The following BCL2 variants were observed in gnomAD, a reference collection of about 807,000 sequenced individuals.
BCL2 encodes BCL2 apoptosis regulator.
In BCL2, 1 loss-of-function variant was observed where a neutral mutation model predicts 14.2. The ratio of observed to expected loss-of-function variants is 0.07; its 90% confidence interval spans 0.02 to 0.33. BCL2 has a LOEUF of 0.33. Among genes scored for constraint, BCL2 ranks in the 10% least tolerant of loss-of-function variants. The pLI is 0.99. For synonymous variants in BCL2, 151 were observed against 137.2 expected, an observed-to-expected ratio of 1.10 and a Z score of -0.70; for missense variants, 247 against 305.9, an observed-to-expected ratio of 0.81 and a Z score of 1.44.
chr18:63,175,104 T>C (rs1192526681), intron 2 of BCL2, among the ~76,000 whole-genome samples: 1 of 152,148 alleles, frequency 6.6e-6, no homozygotes, highest in Non-Finnish European at 1.5e-5. Context: ...ACTTCCTCAG[T>C]CACTCTCCAA....
At chr18:63,307,633 C>G (rs1913184928) in intron 2 of BCL2, among the ~76,000 whole-genome samples, 1 of 152,178 alleles carries the variant, frequency 6.6e-6, no homozygotes, top group Non-Finnish European at 1.5e-5. Context: ...CTCAAGAATC[C>G]CACTGTCACT....
At chr18:63,135,455 T>C (rs1157467413) in intron 2 of BCL2, among the ~76,000 whole-genome samples, 13 of 152,234 alleles carry the variant, frequency 8.5e-5, no homozygotes, top group Non-Finnish European at 4.4e-5. Flanking sequence ...GTCAGATCTT[T>C]TCTGTTCCTT....
Position 63,151,935 on chromosome 18 carries a change from G to A in BCL2, c.586-23176C>T, listed in dbSNP as rs76656597. On this transcript the variant is annotated intron_variant, in intron 2 of 2. Coordinates refer to ENST00000333681, the MANE Select transcript of BCL2 (RefSeq NM_000633.3). The stretch of plus-strand genomic sequence containing the variant: ...GGCTCATTGGCTAAATCTCATGGCC[G>A]GGCTCCTTCATGGGAGGGAAGAAGG... Among the ~76,000 whole-genome samples, 527 of 152,240 alleles carry A rather than the reference G, an allele frequency of 3.5e-3. 1 individual carries two copies. The highest frequency in any genetic ancestry group is 5.7e-3 in the Non-Finnish European group (388 of 68,014).
chr18:63,202,258 G>A (rs891945811), intron 2 of BCL2, among the ~76,000 whole-genome samples: 3 of 152,162 alleles, frequency 2.0e-5, no homozygotes, highest in African/African-American at 7.2e-5. Flanking sequence ...GCAGTGAGAC[G>A]AGATCGGGCC....
At chr18:63,187,892 G>A (rs1175468631) in intron 2 of BCL2, among the ~76,000 whole-genome samples, 1 of 152,108 alleles carries the variant, frequency 6.6e-6, no homozygotes. Context: ...AATAAACAGT[G>A]GTATGGCATT....
At chr18:63,153,973 C>T (rs1914714120) in intron 2 of BCL2, among the ~76,000 whole-genome samples, 1 of 152,180 alleles carries the variant, frequency 6.6e-6, no homozygotes, top group Non-Finnish European at 1.5e-5. Flanking sequence ...TATTGTGAAG[C>T]CTTTAGGCTC....
intron 2 of BCL2, among the ~76,000 whole-genome samples, chr18:63,265,203 G>C (rs1911791553): frequency 6.6e-6 from 1 of 152,200 alleles, no homozygotes; most frequent in Non-Finnish European, 1.5e-5. Context: ...AGTTTGGGAA[G>C]GGGAAGGGCC....
chr18:63,193,688 C>T (rs939569524), intron 2 of BCL2, among the ~76,000 whole-genome samples: 5 of 150,970 alleles, frequency 3.3e-5, no homozygotes, highest in Admixed American at 2.6e-4. Context: ...ACACATTTTC[C>T]GTATCCATGC....
At chr18:63,198,950 GACAC>G (rs1372684663) in intron 2 of BCL2, among the ~76,000 whole-genome samples, 1 of 75,804 alleles carries the variant, frequency 1.3e-5, no homozygotes, top group Admixed American at 1.4e-4. Flanking sequence ...CTGACACAGA[GACAC>G]ACACAGACAC....
chr18:63,228,142 G>A (rs187258491), intron 2 of BCL2, among the ~76,000 whole-genome samples: 1 of 152,292 alleles, frequency 6.6e-6, no homozygotes, highest in East Asian at 1.9e-4. Flanking sequence ...GCCATTGTGA[G>A]GGCCCTGCTG....
intron 2 of BCL2, among the ~76,000 whole-genome samples, chr18:63,246,649 G>A (rs1409597491): frequency 1.3e-5 from 2 of 152,130 alleles, no homozygotes; most frequent in African/African-American, 2.4e-5. Context: ...TGAAATTTGG[G>A]TGGGGACACA....
intron 2 of BCL2, among the ~76,000 whole-genome samples, chr18:63,234,578 C>A (rs141192220): frequency 1.3e-5 from 2 of 152,174 alleles, no homozygotes; most frequent in Non-Finnish European, 2.9e-5. Context: ...AACACTACCA[C>A]GCTGAGTGAC....
At chr18:63,205,749 C>T (rs1429605237) in intron 2 of BCL2, among the ~76,000 whole-genome samples, 2 of 152,150 alleles carry the variant, frequency 1.3e-5, no homozygotes, top group Admixed American at 6.5e-5. Context: ...CATTTGACTA[C>T]TGTGGTTGGA....
chr18:63,161,615 G>A (rs1173764753), intron 2 of BCL2, among the ~76,000 whole-genome samples: 1 of 152,116 alleles, frequency 6.6e-6, no homozygotes, highest in Non-Finnish European at 1.5e-5. Flanking sequence ...GTTAATCAAG[G>A]GTCCTAGGGC....
At chr18:63,225,763 GC>G (rs1371273657) in intron 2 of BCL2, among the ~76,000 whole-genome samples, 2 of 152,132 alleles carry the variant, frequency 1.3e-5, no homozygotes, top group African/African-American at 4.8e-5. Context: ...CCAGGTGAGT[GC>G]TTTTTGGGTG....
At chr18:63,238,814 G>C (rs561156039) in intron 2 of BCL2, among the ~76,000 whole-genome samples, 1 of 152,324 alleles carries the variant, frequency 6.6e-6, no homozygotes, top group African/African-American at 2.4e-5. Flanking sequence ...GGGAGCGGAA[G>C]GGTACCAGCA....
chr18:63,213,991 T>G (rs1910127454), intron 2 of BCL2, among the ~76,000 whole-genome samples: 1 of 152,068 alleles, frequency 6.6e-6, no homozygotes, highest in South Asian at 2.1e-4. Context: ...AACTTAGGGA[T>G]GAACAGAGCT....
intron 2 of BCL2, among the ~76,000 whole-genome samples, chr18:63,214,270 C>G (rs1910136615): frequency 6.6e-6 from 1 of 152,148 alleles, no homozygotes; most frequent in Non-Finnish European, 1.5e-5. Flanking sequence ...GGAGGACACC[C>G]AGTGAGGAGG....
intron 2 of BCL2, among the ~76,000 whole-genome samples, chr18:63,133,174 G>C (rs1409426486): frequency 6.6e-6 from 1 of 152,170 alleles, no homozygotes; most frequent in Admixed American, 6.5e-5. Context: ...TTGGAACCAG[G>C]CCAGGTAGGT....
Sources: allele counts gnomAD v4.1 joint callset (sites outside exome capture counted in the v4.1 genomes callset), GRCh38; gene constraint gnomAD v4.1.1; transcripts MANE v1.5; gene names NCBI Gene and HGNC (gene_info 2026-07-23, HGNC 2026-07-21).